The following TCF12 variants were observed in gnomAD, a reference collection of about 807,000 sequenced individuals.
TCF12 encodes the protein transcription factor 12.
TCF12 carries 45 observed loss-of-function variants against 86.0 expected under a neutral mutation model. That is an observed-to-expected ratio of 0.52 (90% CI 0.41 to 0.67). The LOEUF (loss-of-function observed/expected upper bound fraction) is 0.67. TCF12 is among the 30% of genes least tolerant of loss of function. The probability of loss-of-function intolerance (pLI) is 0.00; values close to 1 mark genes in which losing one functional copy is unlikely to be tolerated. For synonymous variants in TCF12, 330 were observed against 299.6 expected (o/e 1.10, Z -1.05); for missense variants, 881 against 859.9 (o/e 1.02, Z -0.31).
chr15:57,246,196 T>C (rs2059850620), intron 13 of TCF12, among the ~76,000 whole-genome samples: 1 of 152,154 alleles, frequency 6.6e-6, no homozygotes. Flanking sequence ...CAGTTAGACT[T>C]AGCACAGGTC....
intron 4 of TCF12, among the ~76,000 whole-genome samples, chr15:57,078,964 G>C (rs1393347731): frequency 1.3e-5 from 2 of 152,132 alleles, no homozygotes; most frequent in African/African-American, 4.8e-5. Flanking sequence ...TGTTATCAAA[G>C]TAATGCTGGT....
chr15:57,069,398 A>T (rs1315928969), intron 4 of TCF12, among the ~76,000 whole-genome samples: 3 of 152,142 alleles, frequency 2.0e-5, no homozygotes, highest in Admixed American at 6.5e-5. Flanking sequence ...AGTGCTTTTT[A>T]AAAAAATGAA....
chr15:57,035,351 A>T (rs2066440560), intron 3 of TCF12, among the ~76,000 whole-genome samples: 1 of 151,854 alleles, frequency 6.6e-6, no homozygotes, highest in Non-Finnish European at 1.5e-5. Context: ...GCAGCCTTGA[A>T]CTCCTGGGCT....
intron 3 of TCF12, among the ~76,000 whole-genome samples, chr15:56,962,384 TCTA>T (rs2140588179): frequency 6.6e-6 from 1 of 152,288 alleles, no homozygotes; most frequent in African/African-American, 2.4e-5. Context: ...TAGATAAAAG[TCTA>T]CTATAACTTT....
At chr15:57,215,051 T>G (rs1265712459) in intron 8 of TCF12, among the ~76,000 whole-genome samples, 2 of 152,178 alleles carry the variant, frequency 1.3e-5, no homozygotes, top group Admixed American at 1.3e-4. Context: ...AGTTTTATAT[T>G]CTTGATTTCT....
In TCF12 at chr15:57,149,732, A is replaced by G. The variant is rs544513862; in HGVS notation, c.326-16670A>G. Among the ~76,000 whole-genome samples the G allele has an allele frequency of 1.0e-3, 155 of 152,316 alleles. 1 individual carries two copies. The highest frequency in any genetic ancestry group is 4.0e-3 in the Admixed American group (61 of 15,300). On this transcript the variant is annotated intron_variant, in intron 5 of 20. Coordinates refer to ENST00000333725, the MANE Select transcript of TCF12 (RefSeq NM_207037.2). ...AAAGATAGTAGCAAATGTAGATCCA[A>G]CTTTTCAGGTTATCTTCTACCTCAT...
intron 4 of TCF12, among the ~76,000 whole-genome samples, chr15:57,088,548 T>C (rs1169431307): frequency 6.6e-6 from 1 of 152,010 alleles, no homozygotes; most frequent in Non-Finnish European, 1.5e-5. Flanking sequence ...TTTATTCTTA[T>C]CTGGAAATTT....
At chr15:57,089,853 G>A (rs1328533089) in intron 4 of TCF12, among the ~76,000 whole-genome samples, 1 of 152,104 alleles carries the variant, frequency 6.6e-6, no homozygotes, top group Non-Finnish European at 1.5e-5. Context: ...GGGAAGGGTG[G>A]CAGAGAGAAC....
At chr15:57,075,796 T>TCTCTCTCTCTCTCTCTCTCTCTCTC (rs1567370337) in intron 4 of TCF12, among the ~76,000 whole-genome samples, 1 of 26,032 alleles carries the variant, frequency 3.8e-5, no homozygotes, top group Non-Finnish European at 8.0e-5. Flanking sequence ...CTTTCTTTCT[T>TCTCTCTCTCTCTCTCTCTCTCTCTC]TCTTTCTTTC....
intron 3 of TCF12, among the ~76,000 whole-genome samples, chr15:57,020,296 T>C (rs183357927): frequency 1.3e-4 from 20 of 152,322 alleles, no homozygotes; most frequent in Non-Finnish European, 2.6e-4. Flanking sequence ...GCAAATGTAC[T>C]GAGCTCATCT....
chr15:57,105,312 T>C (rs1460684670), intron 5 of TCF12, among the ~76,000 whole-genome samples: 1 of 152,248 alleles, frequency 6.6e-6, no homozygotes, highest in Non-Finnish European at 1.5e-5. Context: ...ATAAACTTGA[T>C]TTTCCAGTTA....
At chr15:57,007,769 T>G (rs1461709059) in intron 3 of TCF12, among the ~76,000 whole-genome samples, 1 of 47,896 alleles carries the variant, frequency 2.1e-5, no homozygotes, top group Admixed American at 2.2e-4. Context: ...TTTCTTTCTT[T>G]CTTTCTTTCT....
intron 5 of TCF12, among the ~76,000 whole-genome samples, chr15:57,093,231 A>G (rs188128536): frequency 2.0e-5 from 3 of 152,336 alleles, no homozygotes; most frequent in African/African-American, 7.2e-5. Context: ...AAAACTTTCT[A>G]ATTTATTTTT....
intron 16 of TCF12, among the ~76,000 whole-genome samples, chr15:57,259,778 A>G (rs2060505217): frequency 6.6e-6 from 1 of 152,336 alleles, no homozygotes. Context: ...GGCTGGCCCC[A>G]CAGGCTCTAG....
rs2435906 is a variant in TCF12 at position 57,030,894 on chromosome 15, C to G, written c.149-32856C>G. Among the ~76,000 whole-genome samples, 43 of 152,316 alleles carry G rather than the reference C, an allele frequency of 2.8e-4. No individual in the cohort carries two copies. The East Asian group carries it at 4.6e-3, about 16-fold the overall frequency. On this transcript the variant is annotated intron_variant, in intron 3 of 20. Coordinates refer to ENST00000333725, the MANE Select transcript of TCF12 (RefSeq NM_207037.2). ...TGTAGTGGGATTTTAGACAGTGTAACTGGCTCATATGAGATAGTTTTGACT... is the reference window on the plus strand; with the variant it reads ...TGTAGTGGGATTTTAGACAGTGTAAGTGGCTCATATGAGATAGTTTTGACT...
intron 4 of TCF12, among the ~76,000 whole-genome samples, chr15:57,072,302 C>G (rs2069467744): frequency 6.6e-6 from 1 of 152,078 alleles, no homozygotes; most frequent in Admixed American, 6.5e-5. Context: ...CTGAATTAAA[C>G]TTCATGTGTT....
chr15:57,144,745 C>T (rs752885547), intron 5 of TCF12, among the ~76,000 whole-genome samples: 146 of 152,118 alleles, frequency 9.6e-4, no homozygotes, highest in Non-Finnish European at 1.6e-3. Context: ...ACTACAGTCA[C>T]ACATCATCAT....
chr15:57,027,111 C>G (rs1352649043), intron 3 of TCF12, among the ~76,000 whole-genome samples: 2 of 151,904 alleles, frequency 1.3e-5, no homozygotes, highest in African/African-American at 4.8e-5. Context: ...ATAAAACATA[C>G]ACATTTTAAT....
chr15:57,149,967 C>G (rs750989664), intron 5 of TCF12, among the ~76,000 whole-genome samples: 18 of 152,044 alleles, frequency 1.2e-4, no homozygotes, highest in Non-Finnish European at 5.9e-5. Context: ...GTGGTCCTAA[C>G]TAAATCATTA....
Sources: gnomAD v4.1 joint callset for allele counts (sites outside exome capture counted in the v4.1 genomes callset) on GRCh38, gnomAD v4.1.1 for gene constraint, MANE v1.5 for transcripts, NCBI Gene and HGNC (gene_info 2026-07-23, HGNC 2026-07-21) for gene names.